The following DIAPH2 variants were observed in gnomAD, a reference collection of about 807,000 sequenced individuals.
The protein encoded by DIAPH2 is diaphanous related formin 2, also known as protein diaphanous homolog 2.
A neutral mutation model predicts 92.7 loss-of-function variants in DIAPH2; 35 were observed. The observed-to-expected ratio is 0.38, with a 90% CI of 0.29 to 0.50. DIAPH2 has a LOEUF of 0.50. DIAPH2 is among the 20% of genes least tolerant of loss of function. DIAPH2 has a pLI of 0.94. For synonymous variants in DIAPH2, 301 were observed against 280.4 expected (o/e 1.07, Z -0.73); for missense variants, 701 against 819.5 (o/e 0.86, Z 1.77).
At chrX:97,426,018 C>T (rs1281275154) in intron 25 of DIAPH2, among the ~76,000 whole-genome samples, 1 of 110,296 alleles carries the variant, frequency 9.1e-6, no homozygotes, top group Non-Finnish European at 1.9e-5. Flanking sequence ...TTCACTTTTG[C>T]ATTTCGGACC....
chrX:97,242,693 G>T (rs1212298398), intron 22 of DIAPH2, among the ~76,000 whole-genome samples: 2 of 110,359 alleles, frequency 1.8e-5, no homozygotes, highest in East Asian at 5.7e-4. Flanking sequence ...AGTTACATTT[G>T]TTTTATCTGG....
intron 17 of DIAPH2, among the ~76,000 whole-genome samples, chrX:97,004,138 T>C (rs1337559237): frequency 8.9e-6 from 1 of 111,761 alleles, no homozygotes; most frequent in African/African-American, 3.3e-5. Context: ...TTCTGTTCCA[T>C]TTTTCTGTGT....
chrX:97,372,553 T>C (rs2069457982), intron 24 of DIAPH2, among the ~76,000 whole-genome samples: 1 of 112,100 alleles, frequency 8.9e-6, no homozygotes, highest in Non-Finnish European at 1.9e-5. Context: ...AGCACAGCAG[T>C]TTCTCCTATG....
intron 22 of DIAPH2, among the ~76,000 whole-genome samples, chrX:97,192,309 A>G (rs949660886): frequency 2.8e-5 from 3 of 107,930 alleles, no homozygotes; most frequent in African/African-American, 1.0e-4. Flanking sequence ...AAAAAAAAAA[A>G]AAAAAGAAAA....
intron 1 of DIAPH2, among the ~76,000 whole-genome samples, chrX:96,718,356 T>G (rs1569373811): frequency 1.5e-4 from 11 of 73,041 alleles, no homozygotes; most frequent in East Asian, 4.5e-4. Flanking sequence ...TTTTTTTTTT[T>G]TTTTTTTTTT....
At chrX:97,329,475 G>T (rs965507213) in intron 23 of DIAPH2, among the ~76,000 whole-genome samples, 1 of 111,897 alleles carries the variant, frequency 8.9e-6, no homozygotes, top group Non-Finnish European at 1.9e-5. Flanking sequence ...AAGCATATAT[G>T]AACAATTAGA....
At chrX:96,858,471 T>A (rs2065053702) in intron 4 of DIAPH2, among the ~76,000 whole-genome samples, 1 of 112,294 alleles carries the variant, frequency 8.9e-6, no homozygotes. Context: ...TGCAGCTGCA[T>A]GTTCTTTCAG....
chrX:97,276,159 CG>C (rs1332884527), intron 23 of DIAPH2, among the ~76,000 whole-genome samples: 6 of 107,847 alleles, frequency 5.6e-5, no homozygotes, highest in Admixed American at 3.9e-4. Flanking sequence ...TGCCTGCAGT[CG>C]CAGGCACTCG....
intron 4 of DIAPH2, among the ~76,000 whole-genome samples, chrX:96,832,926 T>G (rs1311226116): frequency 8.9e-6 from 1 of 111,758 alleles, no homozygotes; most frequent in Non-Finnish European, 1.9e-5. Flanking sequence ...ATATGAATAT[T>G]TGTGTATGAT....
At chrX:96,926,547 G>A (rs2065583008) in intron 9 of DIAPH2, among the ~76,000 whole-genome samples, 1 of 111,091 alleles carries the variant, frequency 9.0e-6, no homozygotes. Flanking sequence ...GGTGACTAAA[G>A]AATGTAGATG....
At chrX:96,928,948 T>C (rs1489157630) in intron 9 of DIAPH2, among the ~76,000 whole-genome samples, 1 of 111,921 alleles carries the variant, frequency 8.9e-6, no homozygotes, top group African/African-American at 3.2e-5. Context: ...ATACTTTTAT[T>C]TGTATAAAGA....
chrX:97,538,467 T>C (rs765133916), intron 26 of DIAPH2, among the ~76,000 whole-genome samples: 1 of 111,906 alleles, frequency 8.9e-6, no homozygotes, highest in African/African-American at 3.2e-5. Context: ...TTGTGATCCC[T>C]TGCATTTACA....
intron 22 of DIAPH2, among the ~76,000 whole-genome samples, chrX:97,199,227 ATGTGTG>A (rs58686614): frequency 9.4e-6 from 1 of 106,771 alleles, no homozygotes. Flanking sequence ...ACATATGTAT[ATGTGTG>A]TGTGTGTGTG....
intron 23 of DIAPH2, among the ~76,000 whole-genome samples, chrX:97,289,065 A>C (rs1291305433): frequency 9.0e-6 from 1 of 111,705 alleles, no homozygotes; most frequent in Non-Finnish European, 1.9e-5. Context: ...TTTTTGCTCA[A>C]ATGAGTTATG....
chrX:97,209,717 A>T (rs2067824755), intron 22 of DIAPH2, among the ~76,000 whole-genome samples: 1 of 110,994 alleles, frequency 9.0e-6, no homozygotes, highest in Admixed American at 9.7e-5. Context: ...ATGTTGAAAT[A>T]GTAAGGTACT....
At chrX:97,286,143 C>G (rs1244215199) in intron 23 of DIAPH2, among the ~76,000 whole-genome samples, 4 of 106,037 alleles carry the variant, frequency 3.8e-5, no homozygotes, top group Non-Finnish European at 7.7e-5. Flanking sequence ...CGGGTTCAAG[C>G]AATTCTCCCG....
At chrX:97,329,891 GACAC>G (rs201851023) in intron 23 of DIAPH2, among the ~76,000 whole-genome samples, 25,954 of 78,929 alleles carry the variant, frequency 0.33, 3,846 homozygotes, top group East Asian at 0.51. Flanking sequence ...TGCATTCTTA[GACAC>G]ACACACACAC....
intron 26 of DIAPH2, among the ~76,000 whole-genome samples, chrX:97,510,136 G>A (rs1458319995): frequency 8.3e-4 from 91 of 109,601 alleles, no homozygotes; most frequent in East Asian, 8.1e-3. Context: ...CAGTGTAAAA[G>A]TGTTCCTATT....
At chrX:97,473,831 G>A (rs776892929) in intron 26 of DIAPH2, among the ~76,000 whole-genome samples, 4 of 111,106 alleles carry the variant, frequency 3.6e-5, no homozygotes, top group Non-Finnish European at 5.7e-5. Context: ...GTGGTACCAG[G>A]TTCCTGTAGT....
Sources: allele counts gnomAD v4.1 joint callset (sites outside exome capture counted in the v4.1 genomes callset), GRCh38; gene constraint gnomAD v4.1.1; transcripts MANE v1.5; gene names NCBI Gene and HGNC (gene_info 2026-07-23, HGNC 2026-07-21).